The following CAMK4 variants were observed in gnomAD, a reference collection of about 807,000 sequenced individuals.
The protein encoded by CAMK4 is calcium/calmodulin dependent protein kinase IV, also known as calcium/calmodulin-dependent protein kinase type IV.
A neutral mutation model predicts 44.9 loss-of-function variants in CAMK4; 22 were observed. The observed-to-expected ratio is 0.49, with a 90% CI of 0.35 to 0.70. CAMK4 has a LOEUF of 0.70. CAMK4 is among the 30% of genes least tolerant of loss of function. The pLI, the probability that CAMK4 is intolerant of heterozygous loss-of-function variation, is 0.01. For missense variants in CAMK4, 498 were observed against 586.8 expected, an observed-to-expected ratio of 0.85 and a Z score of 1.56; for synonymous variants, 218 against 215.4, an observed-to-expected ratio of 1.01 and a Z score of -0.11.
At chr5:111,345,942 AAC>A (rs1463759033) in intron 2 of CAMK4, among the ~76,000 whole-genome samples, 1 of 152,008 alleles carries the variant, frequency 6.6e-6, no homozygotes, top group Non-Finnish European at 1.5e-5. Flanking sequence ...GATGTTGTCA[AAC>A]ACAGTTACTA....
At chr5:111,314,852 A>G (rs913837358) in intron 1 of CAMK4, among the ~76,000 whole-genome samples, 2 of 152,120 alleles carry the variant, frequency 1.3e-5, no homozygotes, top group Admixed American at 1.3e-4. Flanking sequence ...AAACAACTAC[A>G]AAGGCTTTCT....
chr5:111,390,832 A>G (rs1708898461), intron 4 of CAMK4, among the ~76,000 whole-genome samples: 1 of 152,194 alleles, frequency 6.6e-6, no homozygotes, highest in Non-Finnish European at 1.5e-5. Flanking sequence ...CCTAACATAC[A>G]AGTGAGTGAG....
chr5:111,451,931 C>A (rs971193), intron 7 of CAMK4, among the ~76,000 whole-genome samples: 56,263 of 152,014 alleles, frequency 0.37, 11,146 homozygotes, highest in Middle Eastern at 0.51. Context: ...TGGTCATTGG[C>A]AGAAATAAAA....
chr5:111,427,574 G>A lies in CAMK4; in HGVS notation c.460-19112G>A, dbSNP rs925670272. 1.1e-4 allele frequency among the ~76,000 whole-genome samples: 16 copies of A among 152,356 alleles called. 1 individual carries two copies. The East Asian group carries it at 1.4e-3, about 13-fold the overall frequency. ...TAACATTCACGACAAGCTGACATAA[G>A]TTGGGCCTTAAGGGAACATTGGCAG... On this transcript the variant is annotated intron_variant, in intron 5 of 10. Transcript: ENST00000282356.
intron 2 of CAMK4, among the ~76,000 whole-genome samples, chr5:111,345,436 T>C (rs956482047): frequency 6.6e-6 from 1 of 151,968 alleles, no homozygotes; most frequent in African/African-American, 2.4e-5. Flanking sequence ...GTAAGGATTA[T>C]TAAAACTTTT....
chr5:111,377,566 C>T (rs545418234), intron 4 of CAMK4, among the ~76,000 whole-genome samples: 6 of 151,936 alleles, frequency 3.9e-5, no homozygotes, highest in Non-Finnish European at 7.4e-5. Context: ...ATAATATATG[C>T]AAACTATTTG....
At chr5:111,277,255 C>T (rs1247953629) in intron 1 of CAMK4, among the ~76,000 whole-genome samples, 1 of 152,206 alleles carries the variant, frequency 6.6e-6, no homozygotes, top group Non-Finnish European at 1.5e-5. Flanking sequence ...GGCTTTCAAC[C>T]ACTTACACTG....
At chr5:111,415,073 C>T (rs940085591) in intron 5 of CAMK4, among the ~76,000 whole-genome samples, 1 of 152,070 alleles carries the variant, frequency 6.6e-6, no homozygotes, top group Non-Finnish European at 1.5e-5. Context: ...TGTACAGTGC[C>T]CCTGTCATCA....
chr5:111,376,268 T>C (rs114113260), intron 3 of CAMK4, among the ~76,000 whole-genome samples: 274 of 151,900 alleles, frequency 1.8e-3, no homozygotes, highest in African/African-American at 6.3e-3. Flanking sequence ...TGGAGAAAAA[T>C]ATATAAAACT....
chr5:111,262,562 C>A (rs1750035251), intron 1 of CAMK4, among the ~76,000 whole-genome samples: 1 of 152,134 alleles, frequency 6.6e-6, no homozygotes. Context: ...AGGAAGAAGC[C>A]TGTCTAAAGT....
intron 5 of CAMK4, among the ~76,000 whole-genome samples, chr5:111,420,803 T>A (rs1580729395): frequency 6.6e-6 from 1 of 151,984 alleles, no homozygotes; most frequent in Admixed American, 6.6e-5. Context: ...GCGGTCAGAG[T>A]TTAAGGTTAT....
intron 7 of CAMK4, among the ~76,000 whole-genome samples, chr5:111,450,166 T>C (rs979339883): frequency 6.6e-6 from 1 of 150,744 alleles, no homozygotes; most frequent in Non-Finnish European, 1.5e-5. Context: ...TAAAAAAAAA[T>C]AAATAAAATA....
At chr5:111,449,236 T>G in intron 7 of CAMK4, 33 bp downstream of exon 7, 1 of 964,418 alleles carries the variant, frequency 1.0e-6, no homozygotes. Context: ...TTTACTTTTA[T>G]TGTTATTTGA....
At position 111,493,170 on chromosome 5, in the gene CAMK4, C is replaced by T. The variant is rs930010047; in HGVS notation, c.*8704C>T. 6.6e-6 allele frequency: 1 copy of T among 152,176 alleles called. No homozygotes were observed. Among genetic ancestry groups the T allele is most frequent in the African/African-American group, 2.4e-5 (1 of 41,432 alleles). 9.4% of individuals were successfully genotyped at this position (152,176 alleles called of 1,614,324 possible). ...ACTCCTTCCTTACTCTGGGTAGGTC[C>T]ATGTGCAGCCTTTCCTCAGAGCATC... On this transcript the variant is annotated 3_prime_UTR_variant, in exon 11 of 11. Coordinates refer to ENST00000282356, the MANE Select transcript of CAMK4 (RefSeq NM_001744.6). This position sits in a 1 kb window ranked among gnomAD's most constrained non-coding sequence, Gnocchi z 4.1.
chr5:111,395,175 A>G (rs1364579345), intron 5 of CAMK4, among the ~76,000 whole-genome samples: 1 of 145,878 alleles, frequency 6.9e-6, no homozygotes, highest in African/African-American at 2.5e-5. Flanking sequence ...ACGCCACTGT[A>G]CTCAAGCCTG....
chr5:111,436,071 A>T (rs745369538), intron 5 of CAMK4, among the ~76,000 whole-genome samples: 9 of 152,182 alleles, frequency 5.9e-5, no homozygotes, highest in Non-Finnish European at 1.2e-4. Flanking sequence ...ATATCTAATT[A>T]AAAATAATAA....
In CAMK4 at chr5:111,224,475, G is replaced by A. The variant is rs1483814036; in HGVS notation, c.-9G>A. 1.3e-6 allele frequency: 2 copies of A among 1,592,220 alleles called. No homozygotes were observed. The highest frequency in any genetic ancestry group is 2.4e-5 in the East Asian group (1 of 42,512). On this transcript the variant is annotated 5_prime_UTR_variant, in exon 1 of 11. Coordinates refer to ENST00000282356, the MANE Select transcript of CAMK4 (RefSeq NM_001744.6). The surrounding 1 kb of genome is among the most constrained non-coding windows in gnomAD (Gnocchi z 5.7). The stretch of plus-strand genomic sequence containing the variant: ...CGGCGGCGGCGGCTTCCGGAGTCCC[G>A]CTGCGAAGATGCTCAAAGTCACGGT...
At chr5:111,286,508 G>A (rs140193060) in intron 1 of CAMK4, among the ~76,000 whole-genome samples, 1 of 152,242 alleles carries the variant, frequency 6.6e-6, no homozygotes, top group Non-Finnish European at 1.5e-5. Context: ...GTCCTTTGCA[G>A]CCCCTCTTTC....
At chr5:111,327,056 G>A (rs1263140115) in intron 1 of CAMK4, among the ~76,000 whole-genome samples, 8 of 151,498 alleles carry the variant, frequency 5.3e-5, no homozygotes, top group Admixed American at 5.3e-4. Flanking sequence ...TGTGCACAAT[G>A]TGCAGGTTTG....
Sources: allele counts gnomAD v4.1 joint callset (sites outside exome capture counted in the v4.1 genomes callset), GRCh38; gene constraint gnomAD v4.1.1; non-coding constraint Gnocchi (gnomAD v3.1); transcripts MANE v1.5; gene names NCBI Gene and HGNC (gene_info 2026-07-23, HGNC 2026-07-21).